Variants in KHDRBS2 observed in about 807,000 individuals in gnomAD.
KHDRBS2 encodes the protein KH domain-containing, RNA-binding, signal transduction-associated protein 2.
A neutral mutation model predicts 44.3 loss-of-function variants in KHDRBS2; 26 were observed. The observed-to-expected ratio is 0.59, with a 90% CI of 0.43 to 0.81. The LOEUF (loss-of-function observed/expected upper bound fraction) is 0.81. Among genes scored for constraint, KHDRBS2 ranks in the 40% least tolerant of loss-of-function variants. KHDRBS2 has a pLI of 0.00. For synonymous variants in KHDRBS2, 194 were observed against 151.1 expected (o/e 1.28, Z -2.08); for missense variants, 476 against 433.1 (o/e 1.10, Z -0.88).
chr6:62,205,879 G>A (rs1563061488), intron 1 of KHDRBS2, among the ~76,000 whole-genome samples: 1 of 152,098 alleles, frequency 6.6e-6, no homozygotes, highest in Non-Finnish European at 1.5e-5. Context: ...GAAAGAGCAG[G>A]TTTGCTGGGA....
At chr6:61,707,163 A>G (rs1353119874) in intron 7 of KHDRBS2, among the ~76,000 whole-genome samples, 1 of 151,666 alleles carries the variant, frequency 6.6e-6, no homozygotes, top group East Asian at 1.9e-4. Context: ...TAGAAAACAT[A>G]AAGGCATTGA....
chr6:61,676,866 C>T (rs1765974946), downstream of KHDRBS2, among the ~76,000 whole-genome samples: 1 of 151,868 alleles, frequency 6.6e-6, no homozygotes, highest in Admixed American at 6.6e-5. Flanking sequence ...CTTGAGCTCT[C>T]TTCTGAGCCT....
intron 2 of KHDRBS2, among the ~76,000 whole-genome samples, chr6:62,065,900 T>A (rs1027793520): frequency 6.6e-6 from 1 of 151,804 alleles, no homozygotes; most frequent in Non-Finnish European, 1.5e-5. Context: ...CATGTACCAT[T>A]CATTCTGCTA....
chr6:62,097,025 A>T (rs575872889), intron 2 of KHDRBS2, among the ~76,000 whole-genome samples: 1 of 151,086 alleles, frequency 6.6e-6, no homozygotes, highest in Non-Finnish European at 1.5e-5. Flanking sequence ...TTAAATTTCC[A>T]TGTATTGGTA....
intron 1 of KHDRBS2, among the ~76,000 whole-genome samples, chr6:62,265,640 T>C (rs1250829432): frequency 6.6e-6 from 1 of 152,032 alleles, no homozygotes; most frequent in East Asian, 1.9e-4. Flanking sequence ...AATATTACAA[T>C]AGTAAAATGA....
At chr6:61,853,104 C>T (rs1795687180) in intron 6 of KHDRBS2, among the ~76,000 whole-genome samples, 1 of 152,078 alleles carries the variant, frequency 6.6e-6, no homozygotes, top group Non-Finnish European at 1.5e-5. Context: ...TGTCTTTGGC[C>T]TTTACATATT....
intron 6 of KHDRBS2, among the ~76,000 whole-genome samples, chr6:61,745,403 C>A (rs2085584216): frequency 6.6e-6 from 1 of 152,142 alleles, no homozygotes; most frequent in Non-Finnish European, 1.5e-5. Context: ...AGAACTATGA[C>A]TAATGAAACT....
intron 7 of KHDRBS2, among the ~76,000 whole-genome samples, chr6:61,705,780 T>C (rs1258746623): frequency 6.6e-6 from 1 of 151,734 alleles, no homozygotes; most frequent in East Asian, 2.0e-4. Flanking sequence ...GCACACATGC[T>C]TCTCAGCACC....
intron 4 of KHDRBS2, among the ~76,000 whole-genome samples, chr6:61,908,497 G>A (rs1805448119): frequency 6.6e-6 from 1 of 151,940 alleles, no homozygotes; most frequent in South Asian, 2.1e-4. Flanking sequence ...AGCCGGGCGT[G>A]GTGGTGAGCG....
intron 2 of KHDRBS2, among the ~76,000 whole-genome samples, chr6:62,123,017 A>G (rs1343774476): frequency 6.6e-6 from 1 of 152,044 alleles, no homozygotes; most frequent in Non-Finnish European, 1.5e-5. Context: ...TGAGATTTAC[A>G]TTAAGTGTTT....
At chr6:61,609,156 G>A in the KHDRBS2 span, among the ~76,000 whole-genome samples, 14 of 152,110 alleles carry the variant, frequency 9.2e-5, no homozygotes, top group South Asian at 1.0e-3. Flanking sequence ...TCAGGAGTTC[G>A]AGACCAGCCT....
intron 8 of KHDRBS2, among the ~76,000 whole-genome samples, chr6:61,693,591 T>C (rs545491020): frequency 3.2e-4 from 48 of 152,298 alleles, no homozygotes; most frequent in African/African-American, 1.1e-3. Context: ...CTAATTAATA[T>C]CTTCCTTATT....
intron 2 of KHDRBS2, among the ~76,000 whole-genome samples, chr6:62,103,205 C>G (rs1173602011): frequency 6.6e-6 from 1 of 152,148 alleles, no homozygotes; most frequent in African/African-American, 2.4e-5. Flanking sequence ...TCATCCCTGA[C>G]TTGAAGATGG....
At chr6:61,842,741 C>G (rs563190944) in intron 6 of KHDRBS2, among the ~76,000 whole-genome samples, 3 of 152,152 alleles carry the variant, frequency 2.0e-5, no homozygotes, top group Non-Finnish European at 4.4e-5. Flanking sequence ...GAATTAACAA[C>G]ACATGTCCAC....
chr6:61,667,108 G>A, the KHDRBS2 span, among the ~76,000 whole-genome samples: 9 of 146,706 alleles, frequency 6.1e-5, no homozygotes, highest in Non-Finnish European at 1.2e-4. Flanking sequence ...ATTTAAAAAC[G>A]TCAATTATCC....
chr6:62,174,568 A>G (rs1408912404), intron 2 of KHDRBS2, among the ~76,000 whole-genome samples: 2 of 151,752 alleles, frequency 1.3e-5, no homozygotes, highest in Non-Finnish European at 3.0e-5. Flanking sequence ...TGTAGCATTC[A>G]ACTAAGTCAG....
intron 1 of KHDRBS2, among the ~76,000 whole-genome samples, chr6:62,186,329 A>G (rs544197106): frequency 6.6e-5 from 10 of 152,256 alleles, no homozygotes; most frequent in African/African-American, 1.9e-4. Context: ...CATTTGGTAC[A>G]CAATAAGAGC....
At chr6:62,030,433 C>T (rs1005381944) in intron 3 of KHDRBS2, among the ~76,000 whole-genome samples, 1 of 151,898 alleles carries the variant, frequency 6.6e-6, no homozygotes, top group African/African-American at 2.4e-5. Flanking sequence ...TAAATTGATG[C>T]AGATGGCTTC....
intron 2 of KHDRBS2, among the ~76,000 whole-genome samples, chr6:62,137,494 T>C (rs568460599): frequency 6.6e-6 from 1 of 152,298 alleles, no homozygotes; most frequent in African/African-American, 2.4e-5. Context: ...ATGATAATTA[T>C]AAATGGTACT....
Sources: allele counts gnomAD v4.1 joint callset (sites outside exome capture counted in the v4.1 genomes callset), GRCh38; gene constraint gnomAD v4.1.1; transcripts MANE v1.5; gene names NCBI Gene and HGNC (gene_info 2026-07-23, HGNC 2026-07-21).